IMMP2L: variants seen among roughly 807,000 people sequenced by gnomAD.
IMMP2L encodes mitochondrial inner membrane protease subunit 2.
A neutral mutation model predicts 19.3 loss-of-function variants in IMMP2L; 18 were observed. The ratio of observed to expected loss-of-function variants is 0.93; its 90% CI spans 0.64 to 1.38. The LOEUF is 1.38. Among genes scored for constraint, IMMP2L ranks in the 40% most tolerant of loss-of-function variants. The pLI is 0.00. For synonymous variants in IMMP2L, 76 were observed against 73.0 expected (o/e 1.04, Z -0.21); for missense variants, 233 against 218.2 (o/e 1.07, Z -0.43).
At chr7:111,077,595 T>C (rs1795524267) in intron 3 of IMMP2L, among the ~76,000 whole-genome samples, 1 of 152,214 alleles carries the variant, frequency 6.6e-6, no homozygotes. Context: ...ATTCAGCATC[T>C]GTTGCTCCCC....
chr7:111,026,555 C>T (rs1826846176), intron 3 of IMMP2L, among the ~76,000 whole-genome samples: 1 of 152,078 alleles, frequency 6.6e-6, no homozygotes, highest in Admixed American at 6.6e-5. Context: ...GGCGACTTTC[C>T]ATTTACATAT....
At chr7:110,941,659 A>T (rs543720782) in intron 4 of IMMP2L, among the ~76,000 whole-genome samples, 1 of 152,286 alleles carries the variant, frequency 6.6e-6, no homozygotes, top group East Asian at 1.9e-4. Context: ...CATTCTCAGC[A>T]GACTTAATTG....
chr7:110,704,257 T>A (rs777430548), intron 5 of IMMP2L, among the ~76,000 whole-genome samples: 22 of 152,198 alleles, frequency 1.4e-4, no homozygotes, highest in Non-Finnish European at 3.1e-4. Flanking sequence ...CAATTTAATG[T>A]GTGAATAACA....
intron 2 of IMMP2L, among the ~76,000 whole-genome samples, chr7:111,493,993 TC>T (rs907380577): frequency 2.6e-5 from 4 of 151,764 alleles, no homozygotes; most frequent in African/African-American, 7.3e-5. Flanking sequence ...AGAGCAAGAC[TC>T]CGTCTCTAAA....
chr7:111,446,755 C>G (rs933738080), intron 3 of IMMP2L, among the ~76,000 whole-genome samples: 1 of 152,212 alleles, frequency 6.6e-6, no homozygotes, highest in East Asian at 1.9e-4. Context: ...GATCAAATTA[C>G]TCTGAGCTAC....
At chr7:111,506,351 C>G (rs752184122) in intron 2 of IMMP2L, among the ~76,000 whole-genome samples, 1 of 152,186 alleles carries the variant, frequency 6.6e-6, no homozygotes, top group East Asian at 1.9e-4. Context: ...ATGTTGTAGA[C>G]TTCCCATTAA....
At chr7:110,895,778 A>C (rs1811259436) in intron 4 of IMMP2L, among the ~76,000 whole-genome samples, 1 of 152,134 alleles carries the variant, frequency 6.6e-6, no homozygotes, top group African/African-American at 2.4e-5. Flanking sequence ...TTACTGTTTT[A>C]ATGTTATTTT....
intron 3 of IMMP2L, among the ~76,000 whole-genome samples, chr7:111,367,091 C>T (rs7807715): frequency 2.9e-4 from 43 of 150,834 alleles, no homozygotes; most frequent in African/African-American, 1.0e-3. Context: ...AGAGGAGGAA[C>T]GCACAGAAGA....
intron 3 of IMMP2L, among the ~76,000 whole-genome samples, chr7:111,162,214 CTAAATGCATTACA>C (rs1383958067): frequency 6.6e-6 from 1 of 151,980 alleles, no homozygotes; most frequent in African/African-American, 2.4e-5. Context: ...TTACATCTCC[CTAAATGCATTACA>C]TGTATGTATT....
chr7:111,556,884 T>C (rs1050854268), intron 1 of IMMP2L, among the ~76,000 whole-genome samples: 2 of 152,146 alleles, frequency 1.3e-5, no homozygotes, highest in Non-Finnish European at 2.9e-5. Flanking sequence ...TATATCCAAC[T>C]GCCTTCTAGA....
chr7:111,162,006 C>T (rs1432425088), intron 3 of IMMP2L, among the ~76,000 whole-genome samples: 1 of 152,014 alleles, frequency 6.6e-6, no homozygotes, highest in Non-Finnish European at 1.5e-5. Flanking sequence ...TGAGTTACCA[C>T]TTGTGTTTAA....
At chr7:111,459,160 C>G (rs1839928704) in intron 3 of IMMP2L, among the ~76,000 whole-genome samples, 1 of 152,180 alleles carries the variant, frequency 6.6e-6, no homozygotes, top group Non-Finnish European at 1.5e-5. Context: ...TATTTTCCTA[C>G]TAGACATCTG....
intron 3 of IMMP2L, among the ~76,000 whole-genome samples, chr7:111,134,372 T>C (rs28753698): frequency 0.025 from 3,806 of 152,140 alleles, 162 homozygotes; most frequent in African/African-American, 0.087. Context: ...TTTGTAGATG[T>C]ACTGATCCAC....
At chr7:111,211,528 G>A (rs1340257646) in intron 3 of IMMP2L, among the ~76,000 whole-genome samples, 2 of 152,196 alleles carry the variant, frequency 1.3e-5, no homozygotes, top group African/African-American at 4.8e-5. Context: ...AAGAAACAAG[G>A]ACCCTGAGAA....
At chr7:110,866,286 T>C (rs1807971272) in intron 5 of IMMP2L, among the ~76,000 whole-genome samples, 1 of 151,882 alleles carries the variant, frequency 6.6e-6, no homozygotes, top group Non-Finnish European at 1.5e-5. Context: ...GAAATGGAGA[T>C]AGGAATAATC....
intron 3 of IMMP2L, among the ~76,000 whole-genome samples, chr7:111,197,238 G>A (rs892164624): frequency 2.0e-5 from 3 of 152,020 alleles, no homozygotes; most frequent in Admixed American, 1.3e-4. Context: ...CAAGGTGGGC[G>A]GATCACGAGG....
intron 1 of IMMP2L, among the ~76,000 whole-genome samples, chr7:111,552,164 T>C (rs983413620): frequency 6.6e-6 from 1 of 152,150 alleles, no homozygotes; most frequent in Non-Finnish European, 1.5e-5. Context: ...TAAAGTAAGA[T>C]ATAAGGTAAA....
At chr7:111,345,068 T>A (rs892062276) in intron 3 of IMMP2L, among the ~76,000 whole-genome samples, 1 of 151,996 alleles carries the variant, frequency 6.6e-6, no homozygotes. Context: ...GTAACTCACA[T>A]ACAGTTTTCC....
At chr7:110,817,158 G>C (rs1802597626) in intron 5 of IMMP2L, among the ~76,000 whole-genome samples, 1 of 152,096 alleles carries the variant, frequency 6.6e-6, no homozygotes, top group South Asian at 2.1e-4. Context: ...ATTAGGAAAA[G>C]AGGAAGTCTA....
Sources: gnomAD v4.1 joint callset for allele counts (sites outside exome capture counted in the v4.1 genomes callset) on GRCh38, gnomAD v4.1.1 for gene constraint, MANE v1.5 for transcripts, NCBI Gene and HGNC (gene_info 2026-07-23, HGNC 2026-07-21) for gene names.